Variants in MEIS2 observed in about 807,000 individuals in gnomAD.
MEIS2 encodes homeobox protein Meis2.
MEIS2 carries 9 observed loss-of-function variants against 58.6 expected under a neutral mutation model. The ratio of observed to expected loss-of-function variants is 0.15; its 90% confidence interval spans 0.09 to 0.27. The LOEUF (loss-of-function observed/expected upper bound fraction) is 0.27. Ranked by LOEUF, MEIS2 falls within the 10% of genes least tolerant of loss-of-function variation. The pLI is 1.00. For missense variants in MEIS2, 427 were observed against 635.0 expected (o/e 0.67, Z 3.52); for synonymous variants, 221 against 228.4 (o/e 0.97, Z 0.29).
chr15:36,973,990 G>A (rs563737323), intron 8 of MEIS2, among the ~76,000 whole-genome samples: 169 of 152,140 alleles, frequency 1.1e-3, no homozygotes, highest in African/African-American at 4.0e-3. Flanking sequence ...TTTCCCCCTC[G>A]ATTTTTCTAG....
rs140230081 is a variant in MEIS2 at position 36,926,829 on chromosome 15, C to T, written c.977+23495G>A. ...AACACATTGCATGCGTGCACACACT[C>T]CACATATTTCATTTAAAAGTATTCA... On this transcript the variant is annotated intron_variant, in intron 9 of 11. Transcript: ENST00000561208. Among the ~76,000 whole-genome samples the T allele has an allele frequency of 3.1e-4, 47 of 152,306 alleles. No homozygotes were observed. In the East Asian group the frequency reaches 8.1e-3, roughly 26 times the overall value.
At chr15:37,048,897 T>C (rs2062791117) in intron 7 of MEIS2, among the ~76,000 whole-genome samples, 1 of 152,200 alleles carries the variant, frequency 6.6e-6, no homozygotes, top group Non-Finnish European at 1.5e-5. Flanking sequence ...CACACCAAAT[T>C]TGGAACATAT....
intron 7 of MEIS2, among the ~76,000 whole-genome samples, chr15:37,054,573 C>T (rs2063056561): frequency 6.6e-6 from 1 of 152,192 alleles, no homozygotes. Flanking sequence ...TGTGCCACCA[C>T]ACCCAGCTGA....
chr15:36,895,842 A>T (rs1438609239), intron 10 of MEIS2, among the ~76,000 whole-genome samples: 1 of 152,206 alleles, frequency 6.6e-6, no homozygotes, highest in Non-Finnish European at 1.5e-5. Context: ...AAGGATGACT[A>T]ATTTTCACAA....
intron 3 of MEIS2, 196 bp from the exon 4 acceptor site, chr15:37,095,810 AG>A (rs1166081640): frequency 6.9e-6 from 5 of 728,496 alleles, no homozygotes; most frequent in Non-Finnish European, 1.1e-5. Context: ...GGCCCCATTA[AG>A]GGGGACCTGG....
At chr15:36,997,895 G>T (rs920255450) in intron 8 of MEIS2, among the ~76,000 whole-genome samples, 1 of 152,154 alleles carries the variant, frequency 6.6e-6, no homozygotes, top group African/African-American at 2.4e-5. Flanking sequence ...CAGTTTACTG[G>T]TGCTTACAAA....
intron 6 of MEIS2, among the ~76,000 whole-genome samples, chr15:37,084,979 C>T (rs540464586): frequency 7.2e-5 from 11 of 151,954 alleles, no homozygotes; most frequent in Non-Finnish European, 1.6e-4. Context: ...GATTTGGGGG[C>T]CAGAGGAAGG....
chr15:36,924,288 G>T (rs1289981213), intron 9 of MEIS2, among the ~76,000 whole-genome samples: 1 of 152,168 alleles, frequency 6.6e-6, no homozygotes, highest in Non-Finnish European at 1.5e-5. Context: ...TTTGTCTGGG[G>T]GTCCTGCCCT....
intron 9 of MEIS2, among the ~76,000 whole-genome samples, chr15:36,899,036 T>A (rs2056333903): frequency 1.3e-5 from 2 of 152,222 alleles, no homozygotes; most frequent in African/African-American, 4.8e-5. Flanking sequence ...AGGTTTTCAC[T>A]AGGTCCTTTT....
intron 8 of MEIS2, among the ~76,000 whole-genome samples, chr15:37,023,009 A>C (rs1435462318): frequency 6.6e-6 from 1 of 152,106 alleles, no homozygotes; most frequent in African/African-American, 2.4e-5. Flanking sequence ...TAGGGACACT[A>C]ATCCTTTGCC....
intron 9 of MEIS2, among the ~76,000 whole-genome samples, chr15:36,941,659 C>T (rs1333153405): frequency 1.3e-5 from 2 of 152,136 alleles, no homozygotes; most frequent in Non-Finnish European, 2.9e-5. Flanking sequence ...AATGTCAATA[C>T]TGGATAGGTA....
intron 8 of MEIS2, among the ~76,000 whole-genome samples, chr15:37,021,496 A>G (rs549236532): frequency 1.3e-5 from 2 of 152,318 alleles, no homozygotes; most frequent in South Asian, 4.1e-4. Context: ...TGCCTGTCTC[A>G]TTTCCAATGT....
chr15:37,099,804 GA>G lies in MEIS2; in HGVS notation c.-339del, dbSNP rs952111769. 57 of 227,998 alleles carry G rather than the reference GA, an allele frequency of 2.5e-4. No homozygotes were observed. Among genetic ancestry groups the G allele is most frequent in the East Asian group, 3.8e-4 (5 of 13,218 alleles). The allele number at this position is 227,998 out of a possible 1,614,324, so 14.1% of individuals were successfully genotyped here. On this transcript the variant is annotated 5_prime_UTR_variant, in exon 1 of 12. Transcript: ENST00000561208. ...CTTTCTCTTCTCTTCCCCTCAGTTGGAAAAAAAAAGAAAGAAAAGAAAAAGA... is the reference window on the plus strand; with the variant it reads ...CTTTCTCTTCTCTTCCCCTCAGTTGGAAAAAAAAGAAAGAAAAGAAAAAGA...
At chr15:36,927,651 C>T (rs28509295) in intron 9 of MEIS2, among the ~76,000 whole-genome samples, 26,249 of 151,782 alleles carry the variant, frequency 0.17, 3,059 homozygotes, top group Non-Finnish European at 0.27. Flanking sequence ...ATATGACAGT[C>T]GGAGGGATGA....
At chr15:36,991,771 CTTTTTTTTTTTCTTTTTTTTTTT>C (rs1459169616) in intron 8 of MEIS2, among the ~76,000 whole-genome samples, 1 of 108,628 alleles carries the variant, frequency 9.2e-6, no homozygotes, top group Non-Finnish European at 1.8e-5. Flanking sequence ...TGTTAATTTT[CTTTTTTTTTTTCTTTTTTTTTTT>C]TTTTTTTTTT....
intron 8 of MEIS2, among the ~76,000 whole-genome samples, chr15:36,961,596 T>A (rs1373180894): frequency 6.6e-6 from 1 of 152,144 alleles, no homozygotes; most frequent in Non-Finnish European, 1.5e-5. Context: ...ATGTTTATAG[T>A]TTACTTAAAT....
At chr15:37,057,387 A>G (rs1288216825) in intron 7 of MEIS2, among the ~76,000 whole-genome samples, 2 of 152,196 alleles carry the variant, frequency 1.3e-5, no homozygotes, top group Non-Finnish European at 2.9e-5. Context: ...GTGGAGCTGT[A>G]TTAGCTGATC....
In MEIS2 at chr15:36,920,435, C is replaced by T. The variant is rs751994148; in HGVS notation, c.978-23749G>A. ...GTGCTGGGATTACAGGCGTGAGCCA[C>T]GGCGCCCGGTCTATACTGATCTTCA... On this transcript the variant is annotated intron_variant, in intron 9 of 11. Coordinates refer to ENST00000561208, the MANE Select transcript of MEIS2 (RefSeq NM_170675.5). 5.3e-5 allele frequency among the ~76,000 whole-genome samples: 8 copies of T among 152,214 alleles called. No individual in the cohort carries two copies. In the South Asian group the frequency reaches 1.0e-3, roughly 20 times the overall value.
intron 7 of MEIS2, among the ~76,000 whole-genome samples, chr15:37,070,515 T>G (rs1036526159): frequency 6.6e-6 from 1 of 152,176 alleles, no homozygotes; most frequent in Non-Finnish European, 1.5e-5. Flanking sequence ...GAAATGCATA[T>G]TAGCAAATTA....
Sources: gnomAD v4.1 joint callset for allele counts (sites outside exome capture counted in the v4.1 genomes callset) on GRCh38, gnomAD v4.1.1 for gene constraint, MANE v1.5 for transcripts, NCBI Gene and HGNC (gene_info 2026-07-23, HGNC 2026-07-21) for gene names.